ZBTB8OS: variants seen among roughly 807,000 people sequenced by gnomAD.
The protein encoded by ZBTB8OS is tRNA-splicing ligase-activating factor archease.
Under a neutral mutation model 29.3 loss-of-function variants are expected in ZBTB8OS, and 16 were observed. That is an observed-to-expected ratio of 0.55 (90% CI 0.37 to 0.83). ZBTB8OS has a LOEUF of 0.83. Ranked by LOEUF, ZBTB8OS falls within the 40% of genes least tolerant of loss-of-function variation. The pLI, the probability that ZBTB8OS is intolerant of heterozygous loss-of-function variation, is 0.00. For synonymous variants in ZBTB8OS, 70 were observed against 64.6 expected (o/e 1.08, Z -0.40); for missense variants, 160 against 196.9 (o/e 0.81, Z 1.12).
chr1:32,628,328 C>G (rs12027252), intron 5 of ZBTB8OS, among the ~76,000 whole-genome samples: 24,919 of 144,912 alleles, frequency 0.17, 4,308 homozygotes, highest in African/African-American at 0.45. Flanking sequence ...CTGCACTCCA[C>G]CCTAGGCAAC....
At chr1:32,639,493 C>T (rs1049941056) in intron 1 of ZBTB8OS, among the ~76,000 whole-genome samples, 3 of 152,034 alleles carry the variant, frequency 2.0e-5, no homozygotes, top group Non-Finnish European at 4.4e-5. Context: ...GTCATGGTGG[C>T]TCATTCCTGT....
intron 4 of ZBTB8OS, among the ~76,000 whole-genome samples, chr1:32,632,577 G>T (rs568022149): frequency 6.6e-6 from 1 of 152,094 alleles, no homozygotes; most frequent in Non-Finnish European, 1.5e-5. Context: ...ACTGCGCCCA[G>T]ATAATTATTG....
chr1:32,640,664 C>T (rs1456286675), intron 1 of ZBTB8OS, among the ~76,000 whole-genome samples: 5 of 151,936 alleles, frequency 3.3e-5, no homozygotes, highest in Non-Finnish European at 5.9e-5. Context: ...TACAGACACG[C>T]ACCACCACAC....
intron 1 of ZBTB8OS, among the ~76,000 whole-genome samples, chr1:32,637,921 C>T (rs1570625167): frequency 1.3e-5 from 2 of 152,102 alleles, no homozygotes; most frequent in East Asian, 3.9e-4. Context: ...GCAACCTCTG[C>T]CTCCCAGGTT....
chr1:32,629,749 C>CTTTTTTTTTT (rs869185319), intron 5 of ZBTB8OS, among the ~76,000 whole-genome samples: 1 of 114,132 alleles, frequency 8.8e-6, no homozygotes, highest in Non-Finnish European at 1.9e-5. Context: ...ATGCTTGTTT[C>CTTTTTTTTTT]TTTTTTTTTT....
intron 5 of ZBTB8OS, 46 bp from the exon 6 acceptor site, chr1:32,627,590 A>G (rs761619865): frequency 1.9e-6 from 3 of 1,581,148 alleles, no homozygotes; most frequent in Admixed American, 1.7e-5. Context: ...TTCTCTCTTT[A>G]TATGTTTTAA....
At chr1:32,649,627 T>A (rs1405081898) in intron 1 of ZBTB8OS, among the ~76,000 whole-genome samples, 1 of 140,758 alleles carries the variant, frequency 7.1e-6, no homozygotes, top group Non-Finnish European at 1.5e-5. Context: ...AGACCCCATC[T>A]CTAAAAACAC....
rs527831105 is a variant in ZBTB8OS at position 32,627,795 on chromosome 1, C to T, written c.381-251G>A. 66 of 470,740 alleles carry T rather than the reference C, an allele frequency of 1.4e-4. No homozygotes were observed. In the South Asian group the frequency reaches 1.7e-3, roughly 12 times the overall value. The allele number at this position is 470,740 out of a possible 1,614,324, so 29.2% of individuals were successfully genotyped here. A position where few individuals can be genotyped will look rare whatever the true frequency, so the allele number is the denominator to read the frequency against. ...CTCATACCTATAATCCTGGCACTTC[C>T]GGAGGCCAAAGGGAGGATCGCTTGA... is the stretch of plus-strand genomic sequence containing the variant. On this transcript the variant is annotated intron_variant, in intron 5 of 6. Transcript: ENST00000468695.
chr1:32,649,671 T>TCACACA (rs1647164061), intron 1 of ZBTB8OS, among the ~76,000 whole-genome samples: 5 of 142,072 alleles, frequency 3.5e-5, no homozygotes, highest in Middle Eastern at 3.5e-3. Flanking sequence ...CACACACATT[T>TCACACA]TTTTTTTTTT....
At chr1:32,623,678 CCTA>C (rs1644900018) in intron 6 of ZBTB8OS, among the ~76,000 whole-genome samples, 1 of 152,176 alleles carries the variant, frequency 6.6e-6, no homozygotes, top group Non-Finnish European at 1.5e-5. Context: ...AACCTTGTCT[CCTA>C]CTATTACACC....
chr1:32,650,695 A>T, upstream of ZBTB8OS: 1 of 1,283,648 alleles, frequency 7.8e-7, no homozygotes, highest in East Asian at 2.4e-5. Context: ...TGCCGCTTGG[A>T]TCGCATATTT....
chr1:32,640,343 C>G (rs1349833806), intron 1 of ZBTB8OS, among the ~76,000 whole-genome samples: 1 of 152,118 alleles, frequency 6.6e-6, no homozygotes, highest in African/African-American at 2.4e-5. Context: ...CTCAGGCAAT[C>G]CACCCCTCTC....
chr1:32,635,297 A>G (rs191427977), intron 1 of ZBTB8OS, among the ~76,000 whole-genome samples: 2 of 141,582 alleles, frequency 1.4e-5, no homozygotes, highest in African/African-American at 2.7e-5. Context: ...TTTTAGTTGG[A>G]GTTTCACTCT....
At chr1:32,639,147 A>C (rs557655059) in intron 1 of ZBTB8OS, among the ~76,000 whole-genome samples, 1 of 151,884 alleles carries the variant, frequency 6.6e-6, no homozygotes, top group South Asian at 2.1e-4. Context: ...AAAATACAAA[A>C]ATTAGCCCGG....
At chr1:32,633,862 T>C (rs2148374163) in intron 3 of ZBTB8OS, 89 bp downstream of exon 3, 2 of 1,508,410 alleles carry the variant, frequency 1.3e-6, no homozygotes, top group South Asian at 2.7e-5. Flanking sequence ...CTGGTTCTTT[T>C]TGTGAAAATA....
intron 5 of ZBTB8OS, among the ~76,000 whole-genome samples, chr1:32,628,072 C>T (rs989216968): frequency 5.3e-5 from 8 of 152,010 alleles, no homozygotes; most frequent in Non-Finnish European, 7.4e-5. Flanking sequence ...AGGCCAGGCG[C>T]GGTGGCTCAT....
rs866186632 is a variant in ZBTB8OS at position 32,634,207 on chromosome 1, C to G, written c.123-135G>C. 1.2e-4 allele frequency: 76 copies of G among 629,246 alleles called. No individual in the cohort carries two copies. In the Middle Eastern group the frequency reaches 4.8e-3, roughly 40 times the overall value. The allele number at this position is 629,246 out of a possible 1,614,324, so 39.0% of individuals were successfully genotyped here. ...CTCAATCAATTTAACAGCACTGCAA[C>G]CAGGTGCTTTTCTTTTTATTATTTA... On this transcript the variant is annotated intron_variant, in intron 2 of 6. Transcript: ENST00000468695.
At position 32,621,622 on chromosome 1, in the gene ZBTB8OS, G is replaced by A; in HGVS notation, c.*240C>T. The A allele has an allele frequency of 2.2e-6, 1 of 454,232 alleles. No individual in the cohort carries two copies. The highest frequency in any genetic ancestry group is 3.9e-6 in the Non-Finnish European group (1 of 258,920). 28.1% of individuals were successfully genotyped at this position (454,232 alleles called of 1,614,324 possible). On this transcript the variant is annotated 3_prime_UTR_variant, in exon 7 of 7. Transcript: ENST00000468695. ...CCTACTGCCACAGCAGAGAATCAAA[G>A]GACCATAACTGTCCCTTGGGGGGTT... is the stretch of plus-strand genomic sequence containing the variant.
intron 6 of ZBTB8OS, among the ~76,000 whole-genome samples, chr1:32,624,667 G>T (rs1644980041): frequency 6.6e-6 from 1 of 152,294 alleles, no homozygotes; most frequent in Admixed American, 6.5e-5. Flanking sequence ...GCCGAGGCAG[G>T]TGGATCACCT....
Sources: allele counts gnomAD v4.1 joint callset (sites outside exome capture counted in the v4.1 genomes callset), GRCh38; gene constraint gnomAD v4.1.1; transcripts MANE v1.5; gene names NCBI Gene and HGNC (gene_info 2026-07-23, HGNC 2026-07-21).